The following ARHGAP31 variants were observed in gnomAD, a reference collection of about 807,000 sequenced individuals.
The protein encoded by ARHGAP31 is rho GTPase-activating protein 31.
In ARHGAP31, 34 loss-of-function variants were observed where a neutral mutation model predicts 113.9. The ratio of observed to expected loss-of-function variants is 0.30; its 90% CI spans 0.23 to 0.40. ARHGAP31 has a LOEUF of 0.40. Among genes scored for constraint, ARHGAP31 ranks in the 10% least tolerant of loss-of-function variants. The probability of loss-of-function intolerance (pLI) is 1.00; values close to 1 mark genes in which losing one functional copy is unlikely to be tolerated. For missense variants in ARHGAP31, 1,548 were observed against 1,767.1 expected, an observed-to-expected ratio of 0.88 and a Z score of 2.22; for synonymous variants, 650 against 684.8, an observed-to-expected ratio of 0.95 and a Z score of 0.79.
Position 119,416,276 on chromosome 3 carries a change from C to G in ARHGAP31, c.*12C>G, listed in dbSNP as rs371037966. The G allele has an allele frequency of 2.0e-5, 33 of 1,612,314 alleles. No homozygotes were observed. Among genetic ancestry groups the G allele is most frequent in the Middle Eastern group, 1.7e-4 (1 of 6,058 alleles). On this transcript the variant is annotated 3_prime_UTR_variant, in exon 12 of 12. Transcript: ENST00000264245. ...GGCAAATAGAATGATTTCGGTTCAC[C>G]TGCTGGTGTCTGAAAAAAACCGTGA...
chr3:119,349,195 A>G (rs917205143), intron 1 of ARHGAP31, among the ~76,000 whole-genome samples: 2 of 152,174 alleles, frequency 1.3e-5, no homozygotes, highest in Non-Finnish European at 2.9e-5. Flanking sequence ...ATGGAGAGAA[A>G]ATTGAGGAAG....
intron 1 of ARHGAP31, among the ~76,000 whole-genome samples, chr3:119,359,382 A>G (rs910469863): frequency 1.3e-5 from 2 of 152,184 alleles, no homozygotes; most frequent in African/African-American, 4.8e-5. Flanking sequence ...TCCAAGGAGG[A>G]CAAGCCAAAG....
chr3:119,323,068 C>A (rs946682581), intron 1 of ARHGAP31, among the ~76,000 whole-genome samples: 1 of 152,250 alleles, frequency 6.6e-6, no homozygotes, highest in Non-Finnish European at 1.5e-5. Context: ...GCTCGAAAGA[C>A]GGTGGCGCTG....
At chr3:119,350,547 A>G (rs2080102456) in intron 1 of ARHGAP31, among the ~76,000 whole-genome samples, 1 of 152,220 alleles carries the variant, frequency 6.6e-6, no homozygotes, top group Admixed American at 6.5e-5. Context: ...CAGAGGGTAC[A>G]ATAAGCAAAA....
chr3:119,297,909 AACACACACAC>A (rs10575145), intron 1 of ARHGAP31, among the ~76,000 whole-genome samples: 33 of 142,780 alleles, frequency 2.3e-4, no homozygotes, highest in East Asian at 1.5e-3. Context: ...TTTCCTTAGA[AACACACACAC>A]ACACACACAC....
At chr3:119,309,953 T>TG (rs937117155) in intron 1 of ARHGAP31, among the ~76,000 whole-genome samples, 1 of 151,686 alleles carries the variant, frequency 6.6e-6, no homozygotes, top group Non-Finnish European at 1.5e-5. Flanking sequence ...TCAACTGTTT[T>TG]TTTTTTTTTT....
chr3:119,337,157 C>T (rs760034665), intron 1 of ARHGAP31, among the ~76,000 whole-genome samples: 12 of 152,286 alleles, frequency 7.9e-5, no homozygotes, highest in Admixed American at 2.6e-4. Flanking sequence ...AATGAAGCCG[C>T]GGACCCTGGC....
chr3:119,333,452 C>T (rs1430736913), intron 1 of ARHGAP31, among the ~76,000 whole-genome samples: 3 of 152,176 alleles, frequency 2.0e-5, no homozygotes, highest in Non-Finnish European at 4.4e-5. Flanking sequence ...TTGTTCATTA[C>T]GTTTACTCCA....
intron 3 of ARHGAP31, among the ~76,000 whole-genome samples, chr3:119,371,239 T>C (rs878920939): frequency 6.6e-6 from 1 of 152,208 alleles, no homozygotes. Flanking sequence ...CTGGAAACTT[T>C]AGAAATACAA....
rs2079518081 is a variant in ARHGAP31, at chr3:119,294,789, G to T, written c.-116G>T. On this transcript the variant is annotated 5_prime_UTR_variant, in exon 1 of 12. Transcript: ENST00000264245. ...CCCAGCCCAAGTTCTTCCATCTTCC[G>T]ATGCGGCCCCCCAGAGCCGCGGGGC... The T allele has an allele frequency of 2.0e-6, 2 of 988,312 alleles. No homozygotes were observed. The highest frequency in any genetic ancestry group is 1.3e-5 in the South Asian group (1 of 76,700). The allele number at this position is 988,312 out of a possible 1,614,324, so 61.2% of individuals were successfully genotyped here.
At chr3:119,389,687 G>C (rs1441450517) in intron 6 of ARHGAP31, among the ~76,000 whole-genome samples, 5 of 152,156 alleles carry the variant, frequency 3.3e-5, no homozygotes, top group Non-Finnish European at 5.9e-5. Context: ...GCTCTGCAAA[G>C]AGAAATAGTG....
intron 1 of ARHGAP31, among the ~76,000 whole-genome samples, chr3:119,309,598 A>G (rs971960864): frequency 1.3e-5 from 2 of 152,114 alleles, no homozygotes; most frequent in South Asian, 2.1e-4. Flanking sequence ...CTACAAAAAA[A>G]AAAATACAAA....
intron 1 of ARHGAP31, among the ~76,000 whole-genome samples, chr3:119,299,636 A>G (rs190759395): frequency 9.2e-5 from 14 of 152,340 alleles, no homozygotes; most frequent in Admixed American, 8.5e-4. Context: ...ATATTTATTA[A>G]GGCATTGTGG....
intron 3 of ARHGAP31, among the ~76,000 whole-genome samples, chr3:119,374,818 T>A (rs2080333607): frequency 6.6e-6 from 1 of 152,188 alleles, no homozygotes; most frequent in African/African-American, 2.4e-5. Flanking sequence ...CTTCAGAAAT[T>A]GCCCAGTCTC....
At chr3:119,384,834 C>G (rs77126201) in intron 6 of ARHGAP31, among the ~76,000 whole-genome samples, 5,557 of 152,212 alleles carry the variant, frequency 0.037, 315 homozygotes, top group African/African-American at 0.12. Flanking sequence ...CCCCACAGGC[C>G]CTGGCAACCA....
intron 1 of ARHGAP31, among the ~76,000 whole-genome samples, chr3:119,326,006 C>T (rs1344268667): frequency 6.6e-6 from 1 of 152,080 alleles, no homozygotes; most frequent in Non-Finnish European, 1.5e-5. Flanking sequence ...CCCTGGCCAA[C>T]ATGGTGAAAC....
chr3:119,416,035 C>T lies in ARHGAP31; in HGVS notation c.4106C>T (p.Ser1369Phe), dbSNP rs1363503959. 1 of 1,614,080 alleles carries T rather than the reference C, an allele frequency of 6.2e-7. No homozygotes were observed. The highest frequency in any genetic ancestry group is 8.5e-7 in the Non-Finnish European group (1 of 1,180,040). Reference sequence around the variant, plus strand: ...CCCCCTTCATCCACAGTGACAGATTCCAAGGTCCTGCTGTCCCCTATCAGA... The same window carrying T: ...CCCCCTTCATCCACAGTGACAGATTTCAAGGTCCTGCTGTCCCCTATCAGA... ...HLPPSSTVTD[S>F]KVLLSPIRSP... The change falls in exon 12 of 12, where the codon TCC (serine) becomes TTC (phenylalanine). Residue 1369 changes from serine (S) to phenylalanine (F), a missense_variant. By Grantham distance (155) the Ser-to-Phe change is radical. Coordinates refer to ENST00000264245, the MANE Select transcript of ARHGAP31 (RefSeq NM_020754.4).
At chr3:119,413,744 T>G in intron 11 of ARHGAP31, 112 bp from the exon 12 acceptor site, 1 of 1,463,402 alleles carries the variant, frequency 6.8e-7, no homozygotes, top group Non-Finnish European at 9.5e-7. Flanking sequence ...ATCCTGTATT[T>G]GCTGAACTGG....
At chr3:119,356,889 A>G (rs1053391117) in intron 1 of ARHGAP31, among the ~76,000 whole-genome samples, 3 of 152,212 alleles carry the variant, frequency 2.0e-5, no homozygotes, top group Non-Finnish European at 4.4e-5. Context: ...CATGTACAAG[A>G]ATATCTGTGG....
Sources: allele counts gnomAD v4.1 joint callset (sites outside exome capture counted in the v4.1 genomes callset), GRCh38; gene constraint gnomAD v4.1.1; transcripts MANE v1.5; gene names NCBI Gene and HGNC (gene_info 2026-07-23, HGNC 2026-07-21).